ACTR3B: variants seen among roughly 807,000 people sequenced by gnomAD.
The protein encoded by ACTR3B is actin-related protein 3B.
In ACTR3B, 8 loss-of-function variants were observed where a neutral mutation model predicts 59.0. The observed-to-expected ratio is 0.14, with a 90% CI of 0.08 to 0.24. ACTR3B has a LOEUF of 0.24. ACTR3B is among the 10% of genes least tolerant of loss of function. The probability of loss-of-function intolerance (pLI) is 1.00; values close to 1 mark genes in which losing one functional copy is unlikely to be tolerated. For synonymous variants in ACTR3B, 148 were observed against 197.9 expected, an observed-to-expected ratio of 0.75 and a Z score of 2.12; for missense variants, 245 against 552.3, an observed-to-expected ratio of 0.44 and a Z score of 5.58.
rs1423887001 is a variant in ACTR3B at position 152,854,244 on chromosome 7, G to A, written c.1162-214G>A. On this transcript the variant is annotated intron_variant, in intron 11 of 11. Coordinates refer to ENST00000256001, the MANE Select transcript of ACTR3B (RefSeq NM_020445.6). The surrounding 1 kb of genome is among the most constrained non-coding windows in gnomAD (Gnocchi z 4.9). ...TTAGTGGGGGACCGGCATTTGGTTG[G>A]TCCTAAGAAGATACAGGCTGATGAA... 6.6e-6 allele frequency among the ~76,000 whole-genome samples: 1 copy of A among 152,094 alleles called. No individual in the cohort carries two copies. Among genetic ancestry groups the A allele is most frequent in the Non-Finnish European group, 1.5e-5 (1 of 68,020 alleles).
chr7:152,760,602 TG>T (rs2098086557), intron 1 of ACTR3B, among the ~76,000 whole-genome samples: 1 of 152,222 alleles, frequency 6.6e-6, no homozygotes, highest in African/African-American at 2.4e-5. Flanking sequence ...TGAAAAATGA[TG>T]TGTTTAAAAA....
chr7:152,814,274 C>T (rs1165057723), intron 4 of ACTR3B: 62 of 363,140 alleles, frequency 1.7e-4, no homozygotes, highest in Non-Finnish European at 2.4e-4. Context: ...TTAGGTGTTA[C>T]GTTATTGAAG....
intron 1 of ACTR3B, among the ~76,000 whole-genome samples, chr7:152,771,673 T>G (rs921198267): frequency 1.3e-5 from 2 of 152,180 alleles, no homozygotes; most frequent in African/African-American, 2.4e-5. Context: ...AAGACAAAGT[T>G]TTCCTGGAAT....
intron 4 of ACTR3B, among the ~76,000 whole-genome samples, chr7:152,809,537 CT>C (rs1287437886): frequency 3.0e-4 from 44 of 148,130 alleles, no homozygotes; most frequent in South Asian, 8.6e-4. Context: ...TTTGTTTTTT[CT>C]TTTTTTTTTT....
intron 2 of ACTR3B, among the ~76,000 whole-genome samples, chr7:152,798,951 G>A (rs1282717489): frequency 6.6e-6 from 1 of 152,080 alleles, no homozygotes; most frequent in African/African-American, 2.4e-5. Context: ...TCTTCTTTTT[G>A]CTTAAGATTC....
chr7:152,853,018 C>T (rs917370469), intron 10 of ACTR3B, among the ~76,000 whole-genome samples: 1 of 152,072 alleles, frequency 6.6e-6, no homozygotes, highest in Non-Finnish European at 1.5e-5. Flanking sequence ...GTCTCGATCT[C>T]CTGACCTTGT....
At chr7:152,769,016 C>G (rs2098117871) in intron 1 of ACTR3B, among the ~76,000 whole-genome samples, 2 of 150,654 alleles carry the variant, frequency 1.3e-5, no homozygotes, top group South Asian at 4.2e-4. Context: ...CCATGCCTGG[C>G]TAATTTTTGT....
At chr7:152,835,798 T>TG in intron 9 of ACTR3B, among the ~76,000 whole-genome samples, 1 of 152,302 alleles carries the variant, frequency 6.6e-6, no homozygotes. Context: ...GCTACATACT[T>TG]TAGTTATTTA....
intron 9 of ACTR3B, among the ~76,000 whole-genome samples, chr7:152,826,848 G>A (rs1309844329): frequency 6.7e-6 from 1 of 149,912 alleles, no homozygotes; most frequent in East Asian, 2.0e-4. Flanking sequence ...CCAGAGTTGG[G>A]AAAAGGTGGC....
intron 1 of ACTR3B, among the ~76,000 whole-genome samples, chr7:152,763,800 CT>C (rs1277573569): frequency 1.3e-5 from 2 of 152,148 alleles, no homozygotes; most frequent in African/African-American, 4.8e-5. Flanking sequence ...ATTATTCTGT[CT>C]CCATTTATTA....
At chr7:152,820,787 C>T (rs1180050604) in intron 7 of ACTR3B, among the ~76,000 whole-genome samples, 1 of 152,230 alleles carries the variant, frequency 6.6e-6, no homozygotes, top group Non-Finnish European at 1.5e-5. Flanking sequence ...AATCAGGAGG[C>T]GACCACAGCA....
intron 1 of ACTR3B, among the ~76,000 whole-genome samples, chr7:152,777,392 G>A (rs2116574421): frequency 6.6e-6 from 1 of 152,290 alleles, no homozygotes; most frequent in East Asian, 1.9e-4. Context: ...TGTATGTAGA[G>A]AGTTTATTTA....
At chr7:152,800,755 G>A in intron 3 of ACTR3B, 100 bp downstream of exon 3, 2 of 1,402,846 alleles carry the variant, frequency 1.4e-6, no homozygotes, top group Admixed American at 2.3e-5. Context: ...TGTAGAATGT[G>A]TTATGTTTGA....
chr7:152,766,403 A>G lies in ACTR3B; in HGVS notation c.44+6477A>G, dbSNP rs1404027191. On this transcript the variant is annotated intron_variant, in intron 1 of 11. Coordinates refer to ENST00000256001, the MANE Select transcript of ACTR3B (RefSeq NM_020445.6). The stretch of plus-strand genomic sequence containing the variant: ...GCACGTGCCGGAATTCCAGAGTCCC[A>G]GAAGGAAAGCAAGGCATTGGCATAA... Among the ~76,000 whole-genome samples the G allele has an allele frequency of 3.9e-5, 6 of 152,336 alleles. No homozygotes were observed. The South Asian group carries it at 1.2e-3, about 32-fold the overall frequency.
chr7:152,851,724 G>A (rs1012190380), intron 9 of ACTR3B, among the ~76,000 whole-genome samples: 2 of 152,138 alleles, frequency 1.3e-5, no homozygotes, highest in East Asian at 3.9e-4. Context: ...GAAGCTTCAA[G>A]CACCCATTAG....
chr7:152,802,721 A>C (rs1470671652), intron 4 of ACTR3B, among the ~76,000 whole-genome samples: 2 of 151,798 alleles, frequency 1.3e-5, no homozygotes, highest in African/African-American at 4.8e-5. Context: ...TTAGGTTTGG[A>C]TTTTTTTTCA....
intron 2 of ACTR3B, among the ~76,000 whole-genome samples, chr7:152,784,568 A>G (rs1233647536): frequency 6.6e-6 from 1 of 152,212 alleles, no homozygotes; most frequent in Non-Finnish European, 1.5e-5. Context: ...CTCATTTTGA[A>G]TTCAGAAATG....
intron 1 of ACTR3B, among the ~76,000 whole-genome samples, chr7:152,765,204 G>A (rs1381428611): frequency 2.4e-5 from 3 of 126,138 alleles, no homozygotes; most frequent in Admixed American, 9.8e-5. Flanking sequence ...CACAACCTCC[G>A]CCTCCCGGGT....
At chr7:152,841,698 C>G (rs1448822219) in intron 9 of ACTR3B, among the ~76,000 whole-genome samples, 1 of 152,212 alleles carries the variant, frequency 6.6e-6, no homozygotes, top group Non-Finnish European at 1.5e-5. Flanking sequence ...TGTCCTCACA[C>G]AGTTACAGAA....
Sources: allele counts gnomAD v4.1 joint callset (sites outside exome capture counted in the v4.1 genomes callset), GRCh38; gene constraint gnomAD v4.1.1; non-coding constraint Gnocchi (gnomAD v3.1); transcripts MANE v1.5; gene names NCBI Gene and HGNC (gene_info 2026-07-23, HGNC 2026-07-21).